FOXD1: variants seen among roughly 807,000 people sequenced by gnomAD.
The protein encoded by FOXD1 is forkhead box protein D1.
Under a neutral mutation model 2.0 loss-of-function variants are expected in FOXD1, and 4 were observed. That is an observed-to-expected ratio of 2.03 (90% CI 1.00 to 4.64). The LOEUF is 4.64. Ranked by LOEUF, FOXD1 falls within the 30% of genes most tolerant of loss-of-function variation. The pLI is 0.01. For synonymous variants in FOXD1, 354 were observed against 328.5 expected, an observed-to-expected ratio of 1.08 and a Z score of -0.84; for missense variants, 586 against 647.6, an observed-to-expected ratio of 0.90 and a Z score of 1.03.
chr5:73,448,115 G>C lies in FOXD1; in HGVS notation c.248C>G (p.Ala83Gly). 8.0e-7 allele frequency: 1 copy of C among 1,249,986 alleles called. No individual in the cohort carries two copies. The highest frequency in any genetic ancestry group is 1.0e-6 in the Non-Finnish European group (1 of 990,078). 77.4% of individuals were successfully genotyped at this position (1,249,986 alleles called of 1,614,324 possible). A position where few individuals can be genotyped will look rare whatever the true frequency, so the allele number is the denominator to read the frequency against. Residue 83 changes from alanine (A) to glycine (G), a missense_variant, in exon 1 of 1, where the codon GCT (alanine) becomes GGT (glycine). Physicochemically the swap from Ala to Gly is moderately conservative, Grantham distance 60. Around this residue, in one of 4 missense-constraint regions of FOXD1, gnomAD observed 183 missense variants for 159.2 expected, o/e 1.15. Coordinates refer to ENST00000615637, the MANE Select transcript of FOXD1 (RefSeq NM_004472.3). ...GCCCGGGGGCGCCGGGGAGCCCCCA[G>C]CAGGCGGGGCCAGCAGGATGTCATC... ...DDDDILLAPPAGGSPAPPGPA... is the reference protein window; with the variant it reads ...DDDDILLAPPGGGSPAPPGPA...
At position 73,447,165 on chromosome 5, in the gene FOXD1, G is replaced by C; in HGVS notation, c.1198C>G (p.Pro400Ala). Residue 400 changes from proline (P) to alanine (A), a missense_variant, in exon 1 of 1, where the codon CCG becomes GCG. Physicochemically the swap from Pro to Ala is conservative, Grantham distance 27. Coordinates refer to ENST00000615637, the MANE Select transcript of FOXD1 (RefSeq NM_004472.3). The surrounding 1 kb of genome is among the most constrained non-coding windows in gnomAD (Gnocchi z 7.8). ...ASPSPSPVAA[P>A]PAPGSSGGGC... ...CCTCCGCTGGATCCGGGAGCTGGCGGCGCCGCCACCGGCGAGGGCGAGGGC... is the reference window on the plus strand; with the variant it reads ...CCTCCGCTGGATCCGGGAGCTGGCGCCGCCGCCACCGGCGAGGGCGAGGGC... 3 of 1,101,114 alleles carry C rather than the reference G, an allele frequency of 2.7e-6. No homozygotes were observed. The highest frequency in any genetic ancestry group is 3.3e-6 in the Non-Finnish European group (3 of 905,190). 68.2% of individuals were successfully genotyped at this position (1,101,114 alleles called of 1,614,324 possible).
In FOXD1 at chr5:73,447,226, G is replaced by GGCGGCA; in HGVS notation, c.1131_1136dup (p.Ala381_Ala382dup). The GGCGGCA allele has an allele frequency of 1.0e-6, 1 of 988,294 alleles. No individual in the cohort carries two copies. Among genetic ancestry groups the GGCGGCA allele is most frequent in the Non-Finnish European group, 1.2e-6 (1 of 834,294 alleles). The allele number at this position is 988,294 out of a possible 1,614,324, so 61.2% of individuals were successfully genotyped here. The stretch of plus-strand genomic sequence containing the variant: ...CGGCGGCGGCGGCCTGCGCGGCGGC[G>GGCGGCA]GCGGCAGCGGCGGCCGGGCCCAAGC... On this transcript the variant is annotated inframe_insertion, in exon 1 of 1. Coordinates refer to ENST00000615637, the MANE Select transcript of FOXD1 (RefSeq NM_004472.3). The surrounding 1 kb of genome is among the most constrained non-coding windows in gnomAD (Gnocchi z 7.8).
chr5:73,446,668 G>A lies in FOXD1; in HGVS notation c.*297C>T. On this transcript the variant is annotated 3_prime_UTR_variant, in exon 1 of 1. Coordinates refer to ENST00000615637, the MANE Select transcript of FOXD1 (RefSeq NM_004472.3). ...TTTTCATCTGCCAAACGTCAAGGGA[G>A]CCTCTAGTGCCTGGACAGGGCGGAC... is the stretch of plus-strand genomic sequence containing the variant. 1 of 335,046 alleles carries A rather than the reference G, an allele frequency of 3.0e-6. No homozygotes were observed. Among genetic ancestry groups the A allele is most frequent in the African/African-American group, 2.2e-5 (1 of 44,842 alleles). The allele number at this position is 335,046 out of a possible 1,614,324, so 20.8% of individuals were successfully genotyped here. A position where few individuals can be genotyped will look rare whatever the true frequency, so the allele number is the denominator to read the frequency against.
In FOXD1 at chr5:73,447,232, A is replaced by AGCG; in HGVS notation, c.1128_1130dup (p.Ala382dup). 3.0e-6 allele frequency: 3 copies of AGCG among 984,332 alleles called. No individual in the cohort carries two copies. Among genetic ancestry groups the AGCG allele is most frequent in the Non-Finnish European group, 3.6e-6 (3 of 833,636 alleles). 61.0% of individuals were successfully genotyped at this position (984,332 alleles called of 1,614,324 possible). A position where few individuals can be genotyped will look rare whatever the true frequency, so the allele number is the denominator to read the frequency against. ...CGGCGGCCTGCGCGGCGGCGGCGGC[A>AGCG]GCGGCGGCCGGGCCCAAGCTGCCCC... On this transcript the variant is annotated inframe_insertion, in exon 1 of 1. Coordinates refer to ENST00000615637, the MANE Select transcript of FOXD1 (RefSeq NM_004472.3). The surrounding 1 kb of genome is among the most constrained non-coding windows in gnomAD (Gnocchi z 7.8).
chr5:73,447,407 G>A lies in FOXD1; in HGVS notation c.956C>T (p.Ala319Val). The A allele has an allele frequency of 1.0e-6, 1 of 982,848 alleles. No individual in the cohort carries two copies. The highest frequency in any genetic ancestry group is 1.2e-6 in the Non-Finnish European group (1 of 829,664). The allele number at this position is 982,848 out of a possible 1,614,324, so 60.9% of individuals were successfully genotyped here. A position where few individuals can be genotyped will look rare whatever the true frequency, so the allele number is the denominator to read the frequency against. The part of the protein sequence containing the change: ...PPPPPPPHGA[A>V]AELARTAFGY... Reference sequence around the variant, plus strand: ...GAAGGCGGTCCGGGCCAGCTCGGCGGCCGCGCCGTGCGGTGGCGGGGGCGG... The same window carrying A: ...GAAGGCGGTCCGGGCCAGCTCGGCGACCGCGCCGTGCGGTGGCGGGGGCGG... Residue 319 changes from alanine (A) to valine (V), a missense_variant, in exon 1 of 1, where the codon GCC becomes GTC. This residue lies in a region of FOXD1 where 253 missense variants were observed against 234.4 expected (regional missense o/e 1.08). Transcript: ENST00000615637. This position sits in a 1 kb window ranked among gnomAD's most constrained non-coding sequence, Gnocchi z 7.8.
In FOXD1 at chr5:73,448,344, T is replaced by A. The variant is rs1412514601; in HGVS notation, c.19A>T (p.Met7Leu). MTLSTEMSDASGLAEET... is the reference protein window; with the variant it reads MTLSTELSDASGLAEET... ...TCGGCGAGGCCAGAGGCATCGGACA[T>A]CTCAGTGCTCAGGGTCATAGCTGTG... is the stretch of plus-strand genomic sequence containing the variant. Residue 7 changes from methionine to leucine, a missense_variant, in exon 1 of 1, where the codon ATG (methionine) becomes TTG (leucine). By Grantham distance (15) the Met-to-Leu change is conservative. Around this residue, in one of 4 missense-constraint regions of FOXD1, gnomAD observed 183 missense variants for 159.2 expected, o/e 1.15. Transcript: ENST00000615637. The A allele has an allele frequency of 7.0e-7, 1 of 1,429,008 alleles. No individual in the cohort carries two copies. Among genetic ancestry groups the A allele is most frequent in the South Asian group, 1.3e-5 (1 of 75,176 alleles). 88.5% of individuals were successfully genotyped at this position (1,429,008 alleles called of 1,614,324 possible).
Position 73,446,461 on chromosome 5 carries a change from T to C in FOXD1, c.*504A>G, listed in dbSNP as rs1223324782. 1 of 157,156 alleles carries C rather than the reference T, an allele frequency of 6.4e-6. No individual in the cohort carries two copies. The highest frequency in any genetic ancestry group is 6.5e-5 in the Admixed American group (1 of 15,388). The allele number at this position is 157,156 out of a possible 1,614,324, so 9.7% of individuals were successfully genotyped here. On this transcript the variant is annotated 3_prime_UTR_variant, in exon 1 of 1. Transcript: ENST00000615637. The stretch of plus-strand genomic sequence containing the variant: ...ATGATAATTTTGACTTTTTTTCTTG[T>C]GTAAACATGTTAACCATTTTTCCTT...
Position 73,446,426 on chromosome 5 carries a change from G to C in FOXD1, c.*539C>G, listed in dbSNP as rs1289302178. ...ACGTCTGTTATGATACAAAACACAG[G>C]TTGAAATAAATGATAATTTTGACTT... is the stretch of plus-strand genomic sequence containing the variant. On this transcript the variant is annotated 3_prime_UTR_variant, in exon 1 of 1. Coordinates refer to ENST00000615637, the MANE Select transcript of FOXD1 (RefSeq NM_004472.3). The C allele has an allele frequency of 6.4e-6, 1 of 155,442 alleles. No individual in the cohort carries two copies. The highest frequency in any genetic ancestry group is 1.4e-5 in the Non-Finnish European group (1 of 70,068). The allele number at this position is 155,442 out of a possible 1,614,324, so 9.6% of individuals were successfully genotyped here.
In FOXD1 at chr5:73,448,320, C is replaced by T; in HGVS notation, c.43G>A (p.Glu15Lys). 1.4e-6 allele frequency: 2 copies of T among 1,454,256 alleles called. No individual in the cohort carries two copies. The highest frequency in any genetic ancestry group is 1.3e-5 in the South Asian group (1 of 77,238). 90.1% of individuals were successfully genotyped at this position (1,454,256 alleles called of 1,614,324 possible). A position where few individuals can be genotyped will look rare whatever the true frequency, so the allele number is the denominator to read the frequency against. ...CCCACCACGTCGATGTCTGTTTCCT[C>T]GGCGAGGCCAGAGGCATCGGACATC... ...TEMSDASGLA[E>K]ETDIDVVGEG... Residue 15 changes from glutamate to lysine, a missense_variant, in exon 1 of 1, where the codon GAG (glutamate) becomes AAG (lysine). By Grantham distance (56) the Glu-to-Lys change is moderately conservative. Around this residue, in one of 4 missense-constraint regions of FOXD1, gnomAD observed 183 missense variants for 159.2 expected, o/e 1.15. Coordinates refer to ENST00000615637, the MANE Select transcript of FOXD1 (RefSeq NM_004472.3).
chr5:73,447,851 T>C lies in FOXD1; in HGVS notation c.512A>G (p.Asn171Ser). The C allele has an allele frequency of 6.2e-7, 1 of 1,611,632 alleles. No homozygotes were observed. The highest frequency in any genetic ancestry group is 8.5e-7 in the Non-Finnish European group (1 of 1,178,874). Residue 171 changes from asparagine to serine, a missense_variant, in exon 1 of 1, where the codon AAC (asparagine) becomes AGC (serine). By Grantham distance (46) the Asn-to-Ser change is conservative. Coordinates refer to ENST00000615637, the MANE Select transcript of FOXD1 (RefSeq NM_004472.3). This position sits in a 1 kb window ranked among gnomAD's most constrained non-coding sequence, Gnocchi z 7.8. ...GAGCGAGAGGTTGTGGCGGATGCTG[T>C]TCTGCCAGGCGGGGAACTTCTCCCG... ...YYREKFPAWQ[N>S]SIRHNLSLND... is the part of the protein sequence containing the mutation.
In FOXD1 at chr5:73,448,671, A is replaced by AG. The variant is rs1162311328; in HGVS notation, c.-310dup. 1 of 152,082 alleles carries AG rather than the reference A, an allele frequency of 6.6e-6. No individual in the cohort carries two copies. The highest frequency in any genetic ancestry group is 2.4e-5 in the African/African-American group (1 of 41,188). 9.4% of individuals were successfully genotyped at this position (152,082 alleles called of 1,614,324 possible). On this transcript the variant is annotated 5_prime_UTR_variant, in exon 1 of 1. Coordinates refer to ENST00000615637, the MANE Select transcript of FOXD1 (RefSeq NM_004472.3). ...GCAGCTTTTGCCCCGTCAGCTGAGG[A>AG]GGGGGTGGCGGGGCCCGGGCGGGCG...
rs1192028781 is a variant in FOXD1 at position 73,447,677 on chromosome 5, G to T, written c.686C>A (p.Pro229His). 5 of 1,595,058 alleles carry T rather than the reference G, an allele frequency of 3.1e-6. No individual in the cohort carries two copies. The highest frequency in any genetic ancestry group is 1.1e-5 in the South Asian group (1 of 89,470). Reference sequence around the variant, plus strand: ...CAGAGACTCGGCGGCCGCGGCGTTGGGTGGGAGCAGCGGCTGCCGCTTGAA... The same window carrying T: ...CAGAGACTCGGCGGCCGCGGCGTTGTGTGGGAGCAGCGGCTGCCGCTTGAA... Reference protein sequence around the residue: ...KRFKRQPLLPPNAAAAESLLL... With the variant: ...KRFKRQPLLPHNAAAAESLLL... The change falls in exon 1 of 1, where the codon CCC becomes CAC. Residue 229 changes from proline (P) to histidine (H), a missense_variant. By Grantham distance (77) the Pro-to-His change is moderately conservative (BLOSUM62 -2). Transcript: ENST00000615637. This position sits in a 1 kb window ranked among gnomAD's most constrained non-coding sequence, Gnocchi z 7.8.
rs1380903141 is a variant in FOXD1, at chr5:73,447,085, G to A, written c.1278C>T (p.Leu426=). 12 of 1,491,296 alleles carry A rather than the reference G, an allele frequency of 8.0e-6. No homozygotes were observed. Among genetic ancestry groups the A allele is most frequent in the Non-Finnish European group, 1.1e-5 (12 of 1,118,942 alleles). 92.4% of individuals were successfully genotyped at this position (1,491,296 alleles called of 1,614,324 possible). The change falls in exon 1 of 1, where the codon CTC becomes CTT. Residue 426 remains leucine, a synonymous_variant. Transcript: ENST00000615637. This position sits in a 1 kb window ranked among gnomAD's most constrained non-coding sequence, Gnocchi z 7.8. ...AGGCGGCGGCGGCCGCGGCGGCCAC[G>A]AGGGATCGGGTGAGCGCGGCCGCCG... ...VGPAAALTRS[L]VAAAAAAASS...
rs1363521990 is a variant in FOXD1 at position 73,448,441 on chromosome 5, G to C, written c.-79C>G. 7 of 963,158 alleles carry C rather than the reference G, an allele frequency of 7.3e-6. No individual in the cohort carries two copies. The highest frequency in any genetic ancestry group is 1.0e-3 in the Middle Eastern group (2 of 1,966). The allele number at this position is 963,158 out of a possible 1,614,324, so 59.7% of individuals were successfully genotyped here. A position where few individuals can be genotyped will look rare whatever the true frequency, so the allele number is the denominator to read the frequency against. On this transcript the variant is annotated 5_prime_UTR_variant, in exon 1 of 1. Coordinates refer to ENST00000615637, the MANE Select transcript of FOXD1 (RefSeq NM_004472.3). ...CCCTCTGCGCCCCAGCCCGGGTCCC[G>C]GGCGGCAGGCCCGGCCGGGGGGCGC...
chr5:73,446,296 T>C lies in FOXD1; in HGVS notation c.*669A>G, dbSNP rs1210669000. On this transcript the variant is annotated 3_prime_UTR_variant, in exon 1 of 1. Transcript: ENST00000615637. ...TTTGAAAATTAAGCATTTTTATTTC[T>C]GAAAAAGTGTAAAAATCTTACATTT... 1.3e-5 allele frequency: 2 copies of C among 152,726 alleles called. No homozygotes were observed. Among genetic ancestry groups the C allele is most frequent in the East Asian group, 3.9e-4 (2 of 5,180 alleles). 9.5% of individuals were successfully genotyped at this position (152,726 alleles called of 1,614,324 possible). A position where few individuals can be genotyped will look rare whatever the true frequency, so the allele number is the denominator to read the frequency against.
Position 73,447,531 on chromosome 5 carries a change from A to T in FOXD1, c.832T>A (p.Tyr278Asn), listed in dbSNP as rs1745527895. 1.9e-6 allele frequency: 2 copies of T among 1,032,622 alleles called. No homozygotes were observed. Among genetic ancestry groups the T allele is most frequent in the Non-Finnish European group, 2.3e-6 (2 of 863,568 alleles). The allele number at this position is 1,032,622 out of a possible 1,614,324, so 64.0% of individuals were successfully genotyped here. The stretch of plus-strand genomic sequence containing the variant: ...GCGTAAGGCGGCAGCTGCAGGCCGT[A>T]GCCGCAGCCGTAGGGGCCGTAGCCG... Reference protein sequence around the residue: ...AYGYGPYGCGYGLQLPPYAPP... With the variant: ...AYGYGPYGCGNGLQLPPYAPP... The change falls in exon 1 of 1, where the codon TAC becomes AAC. Residue 278 changes from tyrosine (Y) to asparagine (N), a missense_variant. Tyr to Asn is a moderately radical substitution (Grantham distance 143). Around this residue, in one of 4 missense-constraint regions of FOXD1, gnomAD observed 253 missense variants for 234.4 expected, o/e 1.08. Transcript: ENST00000615637. This position sits in a 1 kb window ranked among gnomAD's most constrained non-coding sequence, Gnocchi z 7.8.
Position 73,448,683 on chromosome 5 carries a change from G to C in FOXD1, c.-321C>G, listed in dbSNP as rs1240300627. The stretch of plus-strand genomic sequence containing the variant: ...CCGTCAGCTGAGGAGGGGGTGGCGG[G>C]GCCCGGGCGGGCGAATCAGAACGCC... On this transcript the variant is annotated 5_prime_UTR_variant, in exon 1 of 1. Transcript: ENST00000615637. 6.6e-6 allele frequency among the ~76,000 whole-genome samples: 1 copy of C among 152,104 alleles called. No individual in the cohort carries two copies. The highest frequency in any genetic ancestry group is 2.0e-4 in the East Asian group (1 of 5,104).
rs1423027922 is a variant in FOXD1 at position 73,448,273 on chromosome 5, G to C, written c.90C>G (p.Asp30Glu). 2.7e-6 allele frequency: 4 copies of C among 1,474,914 alleles called. No homozygotes were observed. The East Asian group carries it at 8.9e-5, about 33-fold the overall frequency. The allele number at this position is 1,474,914 out of a possible 1,614,324, so 91.4% of individuals were successfully genotyped here. The change falls in exon 1 of 1, where the codon GAC becomes GAG. Residue 30 changes from aspartate (D) to glutamate (E), a missense_variant. By Grantham distance (45) the Asp-to-Glu change is conservative. Around this residue, in one of 4 missense-constraint regions of FOXD1, gnomAD observed 183 missense variants for 159.2 expected, o/e 1.15. Transcript: ENST00000615637. ...DVVGEGEDEE[D>E]EEEEDDDEGG... ...CCTCGTCGTCGTCCTCCTCTTCCTC[G>C]TCTTCTTCGTCCTCGCCCTCCCCCA...
rs1344619451 is a variant in FOXD1 at position 73,446,882 on chromosome 5, A to T, written c.*83T>A. 5.8e-6 allele frequency: 7 copies of T among 1,210,422 alleles called. No individual in the cohort carries two copies. The African/African-American group carries it at 1.1e-4, about 19-fold the overall frequency. 75.0% of individuals were successfully genotyped at this position (1,210,422 alleles called of 1,614,324 possible). Reference sequence around the variant, plus strand: ...GGTCGAGAGGGGCCGCGCCTGGAGGAGCGAACAAAACACCGAACCACCAAG... The same window carrying T: ...GGTCGAGAGGGGCCGCGCCTGGAGGTGCGAACAAAACACCGAACCACCAAG... On this transcript the variant is annotated 3_prime_UTR_variant, in exon 1 of 1. Transcript: ENST00000615637.
Sources: allele counts gnomAD v4.1 joint callset (sites outside exome capture counted in the v4.1 genomes callset), GRCh38; gene constraint gnomAD v4.1.1; regional missense constraint gnomAD v4.1.1; non-coding constraint Gnocchi (gnomAD v3.1); transcripts MANE v1.5; gene names NCBI Gene and HGNC (gene_info 2026-07-23, HGNC 2026-07-21).